Variants in ELMO1 observed in about 807,000 individuals in gnomAD.
ELMO1 encodes the protein engulfment and cell motility 1.
In ELMO1, 26 loss-of-function variants were observed where a neutral mutation model predicts 98.9. The ratio of observed to expected loss-of-function variants is 0.26; its 90% CI spans 0.19 to 0.36. ELMO1 has a LOEUF of 0.36. Among genes scored for constraint, ELMO1 ranks in the 10% least tolerant of loss-of-function variants. The probability of loss-of-function intolerance (pLI) is 1.00; values close to 1 mark genes in which losing one functional copy is unlikely to be tolerated. For synonymous variants in ELMO1, 346 were observed against 346.0 expected (o/e 1.00, Z 0.00); for missense variants, 627 against 935.2 (o/e 0.67, Z 4.30).
At chr7:36,993,666 G>A (rs1423191142) in intron 16 of ELMO1, among the ~76,000 whole-genome samples, 2 of 152,072 alleles carry the variant, frequency 1.3e-5, no homozygotes, top group African/African-American at 4.8e-5. Flanking sequence ...TTATTTTATT[G>A]TCCAGTACTT....
At chr7:37,006,583 C>T (rs1793139020) in intron 16 of ELMO1, among the ~76,000 whole-genome samples, 1 of 152,056 alleles carries the variant, frequency 6.6e-6, no homozygotes, top group East Asian at 1.9e-4. Context: ...AGGGAGGGCA[C>T]AAAAATGGTT....
chr7:36,901,212 T>C (rs1342342015), intron 16 of ELMO1, among the ~76,000 whole-genome samples: 2 of 151,924 alleles, frequency 1.3e-5, no homozygotes, highest in African/African-American at 4.8e-5. Context: ...GGGAGTGGAG[T>C]ACCTAGGCCA....
At chr7:36,961,943 C>G (rs1425907260) in intron 16 of ELMO1, among the ~76,000 whole-genome samples, 2 of 152,216 alleles carry the variant, frequency 1.3e-5, no homozygotes, top group East Asian at 3.9e-4. Context: ...CCTGACTCAG[C>G]AAGAAAAGCC....
intron 15 of ELMO1, among the ~76,000 whole-genome samples, chr7:37,027,175 TGA>T (rs1491230374): frequency 1.3e-5 from 2 of 152,176 alleles, no homozygotes; most frequent in Admixed American, 6.5e-5. Context: ...TTTCTGAAAC[TGA>T]GTGTAGGTGT....
chr7:37,174,439 C>T (rs1294181993), intron 13 of ELMO1, among the ~76,000 whole-genome samples: 4 of 152,182 alleles, frequency 2.6e-5, no homozygotes, highest in Non-Finnish European at 5.9e-5. Flanking sequence ...GATTTCTAAA[C>T]AGCCGACGCA....
chr7:37,354,775 A>C (rs2700983), intron 1 of ELMO1, among the ~76,000 whole-genome samples: 58,591 of 152,080 alleles, frequency 0.39, 11,994 homozygotes, highest in Middle Eastern at 0.46. Context: ...TATCGCAGAA[A>C]CCAGACTCGA....
At chr7:37,382,207 C>A (rs1802608308) in intron 1 of ELMO1, among the ~76,000 whole-genome samples, 1 of 152,116 alleles carries the variant, frequency 6.6e-6, no homozygotes, top group African/African-American at 2.4e-5. Context: ...GGGTGTTCTG[C>A]AATTTTGGAG....
intron 18 of ELMO1, among the ~76,000 whole-genome samples, chr7:36,882,547 G>T (rs1051754894): frequency 6.6e-6 from 1 of 152,218 alleles, no homozygotes; most frequent in Non-Finnish European, 1.5e-5. Context: ...GGACACAGCT[G>T]CTCAGAGCAA....
chr7:37,418,734 G>C (rs1362862827), intron 1 of ELMO1, among the ~76,000 whole-genome samples: 2 of 152,232 alleles, frequency 1.3e-5, no homozygotes, highest in East Asian at 1.9e-4. Flanking sequence ...GAAACACACA[G>C]ATGCGGGCAG....
chr7:36,871,404 C>G (rs1803489575), intron 19 of ELMO1, among the ~76,000 whole-genome samples: 1 of 152,082 alleles, frequency 6.6e-6, no homozygotes, highest in Non-Finnish European at 1.5e-5. Context: ...AAATTAAAAA[C>G]AAAAAGATCA....
At chr7:37,445,807 C>T (rs1805590040) in intron 1 of ELMO1, among the ~76,000 whole-genome samples, 1 of 152,148 alleles carries the variant, frequency 6.6e-6, no homozygotes, top group Admixed American at 6.5e-5. Context: ...TGTAGGAGAG[C>T]AGAATGGGAC....
chr7:37,136,697 C>T (rs1164054587), intron 13 of ELMO1, among the ~76,000 whole-genome samples: 1 of 151,968 alleles, frequency 6.6e-6, no homozygotes, highest in Non-Finnish European at 1.5e-5. Flanking sequence ...CACTACCAAA[C>T]CAGCACTACA....
At chr7:36,935,443 AAAG>A (rs1356551855) in intron 16 of ELMO1, among the ~76,000 whole-genome samples, 18 of 152,204 alleles carry the variant, frequency 1.2e-4, no homozygotes, top group African/African-American at 4.1e-4. Context: ...GCCTAATTGC[AAAG>A]TTGAGGAGAG....
intron 14 of ELMO1, among the ~76,000 whole-genome samples, chr7:37,107,064 AGTGT>A (rs1784991081): frequency 6.6e-6 from 1 of 152,222 alleles, no homozygotes; most frequent in Admixed American, 6.5e-5. Context: ...ACATCCCTAC[AGTGT>A]ATTACCCTTT....
intron 18 of ELMO1, 151 bp downstream of exon 18, chr7:36,887,409 A>T (rs1805117066): frequency 3.3e-6 from 2 of 612,358 alleles, no homozygotes; most frequent in Non-Finnish European, 5.7e-6. Flanking sequence ...CTGGGTGTGC[A>T]TGGGAACCAG....
chr7:37,299,346 A>G (rs1033058352), intron 4 of ELMO1, among the ~76,000 whole-genome samples: 3 of 151,342 alleles, frequency 2.0e-5, no homozygotes, highest in Admixed American at 1.3e-4. Flanking sequence ...GTCCTTGCCC[A>G]TGCCTATGTC....
chr7:36,915,620 C>A (rs758239544), intron 16 of ELMO1, among the ~76,000 whole-genome samples: 5 of 152,184 alleles, frequency 3.3e-5, no homozygotes, highest in Admixed American at 2.0e-4. Context: ...ACTTGGTAAA[C>A]CAGAAGGCTG....
intron 16 of ELMO1, among the ~76,000 whole-genome samples, chr7:36,923,938 A>G (rs745307724): frequency 3.9e-5 from 6 of 152,184 alleles, no homozygotes; most frequent in Non-Finnish European, 8.8e-5. Flanking sequence ...GTGGAACACA[A>G]ACAGTGAGGA....
chr7:37,085,344 T>G (rs1783706420), intron 15 of ELMO1, among the ~76,000 whole-genome samples: 1 of 152,214 alleles, frequency 6.6e-6, no homozygotes, highest in South Asian at 2.1e-4. Context: ...TTTTTTATTT[T>G]TTTTCCATTT....
Sources: gnomAD v4.1 joint callset for allele counts (sites outside exome capture counted in the v4.1 genomes callset) on GRCh38, gnomAD v4.1.1 for gene constraint, MANE v1.5 for transcripts, NCBI Gene and HGNC (gene_info 2026-07-23, HGNC 2026-07-21) for gene names.